The following PDK1 variants were observed in gnomAD, a reference collection of about 807,000 sequenced individuals.
PDK1 encodes the protein [Pyruvate dehydrogenase (acetyl-transferring)] kinase isozyme 1, mitochondrial.
Under a neutral mutation model 54.2 loss-of-function variants are expected in PDK1, and 39 were observed. The observed-to-expected ratio is 0.72, with a 90% CI of 0.56 to 0.94. The LOEUF is 0.94. Among genes scored for constraint, PDK1 ranks in the 40% least tolerant of loss-of-function variants. The probability of loss-of-function intolerance (pLI) is 0.00; values close to 1 mark genes in which losing one functional copy is unlikely to be tolerated. For synonymous variants in PDK1, 221 were observed against 207.1 expected (o/e 1.07, Z -0.58); for missense variants, 552 against 566.0 (o/e 0.98, Z 0.25).
chr2:172,612,470 G>A (rs1691491980), downstream of PDK1, among the ~76,000 whole-genome samples: 1 of 151,830 alleles, frequency 6.6e-6, no homozygotes, highest in African/African-American at 2.4e-5. Flanking sequence ...TGATTAGAAG[G>A]TTTGTTTTTT....
intron 8 of PDK1, 106 bp downstream of exon 8, chr2:172,570,930 CAG>C (rs141130222): frequency 0.26 from 167,646 of 645,614 alleles, 23,528 homozygotes; most frequent in African/African-American, 0.33. Context: ...AATCTACTCT[CAG>C]GGGAAAAGAA....
the PDK1 span, among the ~76,000 whole-genome samples, chr2:172,664,216 T>C: frequency 0.16 from 22,230 of 141,854 alleles, 2,883 homozygotes; most frequent in East Asian, 0.54. Context: ...GAGGCTGAGG[T>C]GGGAGAATTG....
At position 172,608,216 on chromosome 2, in the gene PDK1, T is replaced by C. The variant is rs1208204951; in HGVS notation, c.*12247T>C. 1 of 152,382 alleles carries C rather than the reference T, an allele frequency of 6.6e-6. No homozygotes were observed. Among genetic ancestry groups the C allele is most frequent in the Non-Finnish European group, 1.5e-5 (1 of 68,032 alleles). 9.4% of individuals were successfully genotyped at this position (152,382 alleles called of 1,614,324 possible). ...ATAATGATATTGCTGTACTAAAGTCTATTTAGGAAATGGAAATATATAGCA... is the reference window on the plus strand; with the variant it reads ...ATAATGATATTGCTGTACTAAAGTCCATTTAGGAAATGGAAATATATAGCA... On this transcript the variant is annotated 3_prime_UTR_variant, in exon 11 of 11. Transcript: ENST00000282077.
the PDK1 span, among the ~76,000 whole-genome samples, chr2:172,643,629 G>C: frequency 6.6e-6 from 1 of 152,138 alleles, no homozygotes; most frequent in Non-Finnish European, 1.5e-5. Flanking sequence ...GGGTGGCCAA[G>C]GGGCAGCTGC....
the PDK1 span, among the ~76,000 whole-genome samples, chr2:172,670,126 C>T: frequency 6.6e-6 from 1 of 152,164 alleles, no homozygotes. Flanking sequence ...AATCAGACCT[C>T]ACCGCAGCCT....
the PDK1 span, among the ~76,000 whole-genome samples, chr2:172,643,544 T>C: frequency 4.6e-5 from 7 of 152,282 alleles, no homozygotes; most frequent in African/African-American, 1.7e-4. Context: ...CATCCAGGCC[T>C]AAGCAGGCCT....
At chr2:172,639,807 A>G in the PDK1 span, among the ~76,000 whole-genome samples, 1 of 152,176 alleles carries the variant, frequency 6.6e-6, no homozygotes, top group African/African-American at 2.4e-5. Context: ...CCAAAAACAA[A>G]CAAACAAACA....
chr2:172,709,182 C>A, the PDK1 span, among the ~76,000 whole-genome samples: 7 of 152,162 alleles, frequency 4.6e-5, no homozygotes, highest in African/African-American at 1.7e-4. Flanking sequence ...TCTACTACCA[C>A]CACCACCCTA....
chr2:172,560,110 G>A (rs1688575594), intron 2 of PDK1, among the ~76,000 whole-genome samples: 1 of 152,202 alleles, frequency 6.6e-6, no homozygotes, highest in Admixed American at 6.5e-5. Context: ...CTCTCAAAGT[G>A]CAGGGATTAT....
the PDK1 span, among the ~76,000 whole-genome samples, chr2:172,701,405 C>T: frequency 0.19 from 28,796 of 152,122 alleles, 3,325 homozygotes; most frequent in African/African-American, 0.32. Context: ...TTCCCTGAGT[C>T]GCCTGAGTAT....
At chr2:172,691,186 C>T in the PDK1 span, 8 of 150,092 alleles carry the variant, frequency 5.3e-5, no homozygotes, top group Non-Finnish European at 1.0e-4. Flanking sequence ...TTCCAATATG[C>T]TTTCTGCCCC....
At chr2:172,622,022 ATC>A in the PDK1 span, among the ~76,000 whole-genome samples, 15 of 149,900 alleles carry the variant, frequency 1.0e-4, no homozygotes, top group South Asian at 4.2e-4. Flanking sequence ...GCATGTTCAT[ATC>A]TCGTATATAC....
At chr2:172,575,813 CTCTT>C (rs1219869892) in intron 8 of PDK1, among the ~76,000 whole-genome samples, 2 of 152,120 alleles carry the variant, frequency 1.3e-5, no homozygotes, top group African/African-American at 4.8e-5. Flanking sequence ...CAGATCAAGA[CTCTT>C]TGTCTCAAAT....
Position 172,600,296 on chromosome 2 carries a change from A to G in PDK1, c.*4327A>G, listed in dbSNP as rs1052616287. On this transcript the variant is annotated 3_prime_UTR_variant, in exon 11 of 11. Transcript: ENST00000282077. The stretch of plus-strand genomic sequence containing the variant: ...TTACAGTATTGCATGAAAATACAGT[A>G]TGGTATGAAATTATTTGTCCAAAAC... The G allele has an allele frequency of 4.6e-5, 7 of 152,238 alleles. No individual in the cohort carries two copies. Among genetic ancestry groups the G allele is most frequent in the Admixed American group, 3.9e-4 (6 of 15,284 alleles). 9.4% of individuals were successfully genotyped at this position (152,238 alleles called of 1,614,324 possible).
intron 9 of PDK1, 95 bp from the exon 10 acceptor site, chr2:172,592,840 G>C (rs1193424114): frequency 7.9e-6 from 5 of 630,934 alleles, no homozygotes; most frequent in Admixed American, 2.5e-5. Context: ...TGCGGGCTCT[G>C]ATAGCCCCGT....
chr2:172,671,003 A>AT, the PDK1 span, among the ~76,000 whole-genome samples: 1 of 151,854 alleles, frequency 6.6e-6, no homozygotes, highest in Non-Finnish European at 1.5e-5. Flanking sequence ...AGATGTTTTG[A>AT]TTTTTTATGA....
chr2:172,626,740 C>A, the PDK1 span, among the ~76,000 whole-genome samples: 1 of 150,246 alleles, frequency 6.7e-6, no homozygotes, highest in East Asian at 1.9e-4. Context: ...CTGCAGTGAG[C>A]TATGATCATG....
chr2:172,564,007 T>G (rs1203687764), intron 3 of PDK1: 4 of 471,106 alleles, frequency 8.5e-6, no homozygotes, highest in African/African-American at 2.0e-5. Context: ...AGAATTCTTT[T>G]CTGTTTTTCT....
chr2:172,641,378 C>G, the PDK1 span, among the ~76,000 whole-genome samples: 1 of 152,110 alleles, frequency 6.6e-6, no homozygotes, highest in Admixed American at 6.5e-5. Context: ...AGTGATCTTC[C>G]CACCTCAGCC....
Sources: allele counts gnomAD v4.1 joint callset (sites outside exome capture counted in the v4.1 genomes callset), GRCh38; gene constraint gnomAD v4.1.1; transcripts MANE v1.5; gene names NCBI Gene and HGNC (gene_info 2026-07-23, HGNC 2026-07-21).